UBR4: variants seen among roughly 807,000 people sequenced by gnomAD.
UBR4 encodes the protein ubiquitin protein ligase E3 component n-recognin 4, also known as E3 ubiquitin-protein ligase UBR4.
Under a neutral mutation model 575.6 loss-of-function variants are expected in UBR4, and 124 were observed. The ratio of observed to expected loss-of-function variants is 0.22; its 90% CI spans 0.19 to 0.25. The LOEUF is 0.25. Ranked by LOEUF, UBR4 falls within the 10% of genes least tolerant of loss-of-function variation. UBR4 has a pLI of 1.00. For synonymous variants in UBR4, 2,455 were observed against 2,473.7 expected, an observed-to-expected ratio of 0.99 and a Z score of 0.22; for missense variants, 4,818 against 6,478.8, an observed-to-expected ratio of 0.74 and a Z score of 8.80.
At chr1:19,102,623 T>A (rs2149100469) in intron 87 of UBR4, among the ~76,000 whole-genome samples, 1 of 152,140 alleles carries the variant, frequency 6.6e-6, no homozygotes, top group South Asian at 2.1e-4. Flanking sequence ...CCAAAAGCCA[T>A]AAACTAAGAG....
chr1:19,155,664 T>C lies in UBR4; in HGVS notation c.6077A>G (p.Tyr2026Cys), dbSNP rs767621078. The part of the protein sequence containing the change: ...AIVTADFVKI[Y>C]DLCVDALSPT... ...ACTCAAGGCATCAACACACAGGTCA[T>C]AAATCTGCAGGATGGAAGAAAAATT... Residue 2026 changes from tyrosine to cysteine, a missense_variant, in exon 43 of 106, where the codon TAT (tyrosine) becomes TGT (cysteine). Tyr to Cys is a radical substitution (Grantham distance 194, BLOSUM62 -2). Coordinates refer to ENST00000375254, the MANE Select transcript of UBR4 (RefSeq NM_020765.3). 2 of 1,612,858 alleles carry C rather than the reference T, an allele frequency of 1.2e-6. No homozygotes were observed. The highest frequency in any genetic ancestry group is 1.7e-6 in the Non-Finnish European group (2 of 1,178,968).
intron 105 of UBR4, chr1:19,075,135 T>C: frequency 1.8e-6 from 1 of 557,548 alleles, no homozygotes; most frequent in East Asian, 3.2e-5. Context: ...CACATTTGAA[T>C]AGGGTGTGTC....
In UBR4 at chr1:19,185,292, T is replaced by C. The variant is rs1553221764; in HGVS notation, c.1751-6A>G. ...AATAGGCTCACTGTCATCGTCTGAA[T>C]AGAGAAAGATAAAGTAACGAAAATA... is the stretch of plus-strand genomic sequence containing the variant. On this transcript the variant is annotated splice_region_variant and splice_polypyrimidine_tract_variant and intron_variant, in intron 14 of 105. Transcript: ENST00000375254. 1.3e-6 allele frequency: 2 copies of C among 1,526,876 alleles called. No homozygotes were observed. The highest frequency in any genetic ancestry group is 1.3e-5 in the South Asian group (1 of 77,836). 94.6% of individuals were successfully genotyped at this position (1,526,876 alleles called of 1,614,324 possible).
At chr1:19,185,512 G>A (rs1461716289) in intron 14 of UBR4, among the ~76,000 whole-genome samples, 1 of 150,476 alleles carries the variant, frequency 6.6e-6, no homozygotes, top group Non-Finnish European at 1.5e-5. Flanking sequence ...GATTCAACCC[G>A]TTAAGAATTT....
Position 19,118,317 on chromosome 1 carries a change from A to G in UBR4, c.10542-407T>C, listed in dbSNP as rs140054808. The G allele has an allele frequency of 1.0e-3, 165 of 160,540 alleles. 1 individual carries two copies. Among genetic ancestry groups the G allele is most frequent in the Non-Finnish European group, 1.8e-3 (136 of 73,694 alleles). 9.9% of individuals were successfully genotyped at this position (160,540 alleles called of 1,614,324 possible). On this transcript the variant is annotated intron_variant, in intron 71 of 105. Coordinates refer to ENST00000375254, the MANE Select transcript of UBR4 (RefSeq NM_020765.3). ...AAACCAGAGAAATAATAAACTGTCA[A>G]TTTAACCAATATCCTCTTTTAGAAG... is the stretch of plus-strand genomic sequence containing the variant.
At chr1:19,138,805 A>T (rs2083480336) in intron 59 of UBR4, among the ~76,000 whole-genome samples, 2 of 152,230 alleles carry the variant, frequency 1.3e-5, no homozygotes, top group Non-Finnish European at 2.9e-5. Flanking sequence ...AGGAAAAAAA[A>T]GACTTACGCA....
In UBR4 at chr1:19,141,584, G is replaced by A. The variant is rs920883514; in HGVS notation, c.8311-60C>T. ...AAGTGGTAACTTTTGGAAGTCCACT[G>A]AATAAGAGCTAGAGGAGAGTTGTGA... On this transcript the variant is annotated intron_variant, in intron 56 of 105. Transcript: ENST00000375254. The A allele has an allele frequency of 1.2e-5, 19 of 1,602,504 alleles. 1 individual carries two copies. Among genetic ancestry groups the A allele is most frequent in the Middle Eastern group, 3.3e-4 (2 of 6,014 alleles).
intron 60 of UBR4, among the ~76,000 whole-genome samples, chr1:19,135,349 T>C (rs1041334706): frequency 3.9e-5 from 6 of 152,246 alleles, no homozygotes; most frequent in African/African-American, 1.4e-4. Flanking sequence ...TAAAGTCCTC[T>C]AAATTTATGA....
At chr1:19,122,225 G>A (rs1028580888) in intron 66 of UBR4, among the ~76,000 whole-genome samples, 22 of 152,282 alleles carry the variant, frequency 1.4e-4, no homozygotes, top group African/African-American at 5.3e-4. Flanking sequence ...ACCTGCCTTT[G>A]TTCTACCCCA....
In UBR4 at chr1:19,139,162, G is replaced by A. The variant is rs554839802; in HGVS notation, c.8652C>T (p.Thr2884=). ...CACTACCACCGTGGTCAGCAGGAGAGGTCCGAAGGGTAGAACCATCTGTCG... is the reference window on the plus strand; with the variant it reads ...CACTACCACCGTGGTCAGCAGGAGAAGTCCGAAGGGTAGAACCATCTGTCG... ...TAATDGSTLR[T]SPADHGGSVG... Residue 2884 remains threonine, a synonymous_variant, in exon 59 of 106, where the codon ACC becomes ACT. Coordinates refer to ENST00000375254, the MANE Select transcript of UBR4 (RefSeq NM_020765.3). This position sits in a 1 kb window ranked among gnomAD's most constrained non-coding sequence, Gnocchi z 4.2. The A allele has an allele frequency of 5.0e-6, 8 of 1,614,030 alleles. No homozygotes were observed. In the East Asian group the frequency reaches 6.7e-5, roughly 13 times the overall value.
intron 26 of UBR4, among the ~76,000 whole-genome samples, chr1:19,169,939 C>G (rs975934836): frequency 2.6e-5 from 4 of 152,192 alleles, no homozygotes; most frequent in African/African-American, 9.7e-5. Flanking sequence ...GATCATAACA[C>G]ACATTAAGAA....
intron 11 of UBR4, among the ~76,000 whole-genome samples, chr1:19,189,554 T>TA (rs1267229662): frequency 6.6e-6 from 1 of 152,224 alleles, no homozygotes; most frequent in Admixed American, 6.5e-5. Context: ...CCCATTTTTG[T>TA]AAACTTATAT....
chr1:19,155,142 C>T (rs1267727813), intron 43 of UBR4, 67 bp from the exon 44 acceptor site: 5 of 1,594,022 alleles, frequency 3.1e-6, no homozygotes, highest in Non-Finnish European at 4.3e-6. Flanking sequence ...CCGGTTTATA[C>T]TGGTTATTAT....
chr1:19,093,017 T>A lies in UBR4; in HGVS notation c.14112-99A>T. 9.1e-7 allele frequency: 1 copy of A among 1,100,334 alleles called. No homozygotes were observed. Among genetic ancestry groups the A allele is most frequent in the Non-Finnish European group, 1.3e-6 (1 of 748,220 alleles). 68.2% of individuals were successfully genotyped at this position (1,100,334 alleles called of 1,614,324 possible). ...CTTGTTTAAACCCCCAGGGCATGATTAACCGTGACCCTCTCCGAGTGTCAT... is the reference window on the plus strand; with the variant it reads ...CTTGTTTAAACCCCCAGGGCATGATAAACCGTGACCCTCTCCGAGTGTCAT... On this transcript the variant is annotated intron_variant, in intron 96 of 105. Transcript: ENST00000375254. This position sits in a 1 kb window ranked among gnomAD's most constrained non-coding sequence, Gnocchi z 4.8.
intron 15 of UBR4, 61 bp downstream of exon 15, chr1:19,185,038 G>C: frequency 6.3e-7 from 1 of 1,591,486 alleles, no homozygotes; most frequent in Non-Finnish European, 8.6e-7. Flanking sequence ...CAAATTATCT[G>C]CTTCTCATAC....
At position 19,150,769 on chromosome 1, in the gene UBR4, C is replaced by T; in HGVS notation, c.7238G>A (p.Gly2413Asp). The change falls in exon 49 of 106, where the codon GGT becomes GAT. Residue 2413 changes from glycine to aspartate, a missense_variant. Around this residue, in one of 29 missense-constraint regions of UBR4, gnomAD observed 340 missense variants for 375.4 expected, o/e 0.91. Coordinates refer to ENST00000375254, the MANE Select transcript of UBR4 (RefSeq NM_020765.3). ...TTTTACAGCATCTATCATGGTGACA[C>T]CTGCTGGATCCACCGAGGCCCCAAC... ...LFIGASVDPAGVTMIDAVKIY... is the reference protein window; with the variant it reads ...LFIGASVDPADVTMIDAVKIY... 1 of 1,613,988 alleles carries T rather than the reference C, an allele frequency of 6.2e-7. No homozygotes were observed. The highest frequency in any genetic ancestry group is 8.5e-7 in the Non-Finnish European group (1 of 1,180,006).
chr1:19,111,825 G>A (rs1347326028), intron 78 of UBR4: 2 of 151,968 alleles, frequency 1.3e-5, no homozygotes, highest in Non-Finnish European at 2.9e-5. Flanking sequence ...TCTCCATGTT[G>A]GTCAGGCTGG....
chr1:19,153,606 G>A lies in UBR4; in HGVS notation c.6631-104C>T. ...CAACTGGTTTCATGGTCAGTTGAGG[G>A]GCTGTACAGAAGGGTGGCAAAGAAA... On this transcript the variant is annotated intron_variant, in intron 45 of 105. Coordinates refer to ENST00000375254, the MANE Select transcript of UBR4 (RefSeq NM_020765.3). The surrounding 1 kb of genome is among the most constrained non-coding windows in gnomAD (Gnocchi z 4.1). The A allele has an allele frequency of 4.0e-6, 6 of 1,503,260 alleles. No individual in the cohort carries two copies. Among genetic ancestry groups the A allele is most frequent in the Non-Finnish European group, 5.5e-6 (6 of 1,093,968 alleles). 93.1% of individuals were successfully genotyped at this position (1,503,260 alleles called of 1,614,324 possible).
intron 67 of UBR4, 87 bp from the exon 68 acceptor site, chr1:19,121,521 A>C: frequency 6.6e-7 from 1 of 1,505,514 alleles, no homozygotes. Flanking sequence ...TACAGCTGAG[A>C]CTGCCCTGTT....
Sources: allele counts gnomAD v4.1 joint callset (sites outside exome capture counted in the v4.1 genomes callset), GRCh38; gene constraint gnomAD v4.1.1; regional missense constraint gnomAD v4.1.1; non-coding constraint Gnocchi (gnomAD v3.1); transcripts MANE v1.5; gene names NCBI Gene and HGNC (gene_info 2026-07-23, HGNC 2026-07-21).